NLRP13: variants seen among roughly 807,000 people sequenced by gnomAD.
NLRP13 encodes the protein NLR family pyrin domain containing 13.
Under a neutral mutation model 94.4 loss-of-function variants are expected in NLRP13, and 82 were observed. The ratio of observed to expected loss-of-function variants is 0.87; its 90% CI spans 0.73 to 1.04. The LOEUF is 1.04. Ranked by LOEUF, NLRP13 falls within the 50% of genes least tolerant of loss-of-function variation. The probability of loss-of-function intolerance (pLI) is 0.00; values close to 1 mark genes in which losing one functional copy is unlikely to be tolerated. For missense variants in NLRP13, 1,426 were observed against 1,230.8 expected (o/e 1.16, Z -2.37); for synonymous variants, 553 against 464.7 (o/e 1.19, Z -2.45).
At chr19:55,911,569 G>T (rs537790857) in intron 5 of NLRP13, 137 bp downstream of exon 5, 1 of 779,470 alleles carries the variant, frequency 1.3e-6, no homozygotes, top group African/African-American at 1.8e-5. Flanking sequence ...TTTCAAGTTA[G>T]AGCTGCTCCA....
chr19:55,902,461 GA>G (rs200104561), intron 8 of NLRP13, among the ~76,000 whole-genome samples: 18 of 149,744 alleles, frequency 1.2e-4, no homozygotes, highest in East Asian at 2.0e-4. Context: ...AAAAAATAAA[GA>G]AAAAAAAAAC....
At chr19:55,892,134 A>T, downstream of NLRP13, 1 of 1,231,834 alleles carries the variant, frequency 8.1e-7, no homozygotes, top group Non-Finnish European at 1.0e-6. Flanking sequence ...GCAAAATAAG[A>T]AGTACTGAAG....
chr19:55,912,484 G>A lies in NLRP13; in HGVS notation c.1333C>T (p.Leu445Phe), dbSNP rs1986548699. ...LKQPKVRYYD[L>F]QSITQTTTSL... is the part of the protein sequence containing the mutation. ...GTGGTAGTCTGAGTGATTGACTGGA[G>A]ATCGTAATACCTCACCTTCGGCTGC... The change falls in exon 5 of 11, where the codon CTC becomes TTC. Residue 445 changes from leucine (L) to phenylalanine (F), a missense_variant. By Grantham distance (22) the Leu-to-Phe change is conservative. Transcript: ENST00000342929. 1 of 1,614,028 alleles carries A rather than the reference G, an allele frequency of 6.2e-7. No individual in the cohort carries two copies.
Position 55,900,775 on chromosome 19 carries a change from T to TAAAAAAA in NLRP13, c.2789+1253_2789+1259dup, listed in dbSNP as rs3073241. ...TGAGTGACAGAACAAGACTCCATCT[T>TAAAAAAA]AAAAAAAAAAAAAAAATCTAGAACC... On this transcript the variant is annotated intron_variant, in intron 9 of 10. Transcript: ENST00000342929. Among the ~76,000 whole-genome samples, 243 of 134,186 alleles carry TAAAAAAA rather than the reference T, an allele frequency of 1.8e-3. 3 individuals carry two copies. Among genetic ancestry groups the TAAAAAAA allele is most frequent in the African/African-American group, 6.6e-3 (233 of 35,500 alleles). The allele number at this position is 134,186 out of a possible 152,430, so 88.0% of individuals were successfully genotyped here. A position where few individuals can be genotyped will look rare whatever the true frequency, so the allele number is the denominator to read the frequency against.
Position 55,910,674 on chromosome 19 carries a change from G to C in NLRP13, c.2171C>G (p.Thr724Arg), listed in dbSNP as rs777149027. Residue 724 changes from threonine to arginine, a missense_variant, in exon 6 of 11, where the codon ACA (threonine) becomes AGA (arginine). Transcript: ENST00000342929. ...AWNSICSTLV[T>R]NENLHELDLS... ...GTCTAGCTCATGCAGATTCTCATTTGTGACCAACGTAGAGCAAATGCTGTT... is the reference window on the plus strand; with the variant it reads ...GTCTAGCTCATGCAGATTCTCATTTCTGACCAACGTAGAGCAAATGCTGTT... The C allele has an allele frequency of 5.6e-6, 9 of 1,613,932 alleles. No homozygotes were observed. Among genetic ancestry groups the C allele is most frequent in the Non-Finnish European group, 6.8e-6 (8 of 1,179,812 alleles).
At chr19:55,922,005 A>T (rs1986840599) in intron 4 of NLRP13, among the ~76,000 whole-genome samples, 1 of 152,224 alleles carries the variant, frequency 6.6e-6, no homozygotes, top group Non-Finnish European at 1.5e-5. Flanking sequence ...TCACAGTTCC[A>T]CATGGCTGGG....
In NLRP13 at chr19:55,913,127, C is replaced by T. The variant is rs574504902; in HGVS notation, c.690G>A (p.Thr230=). The T allele has an allele frequency of 4.3e-6, 7 of 1,614,030 alleles. No homozygotes were observed. The highest frequency in any genetic ancestry group is 1.3e-5 in the African/African-American group (1 of 74,916). ...DPNRTRAQAQ[T]IVLVGRAGVG... is the part of the protein sequence containing the mutation. Reference sequence around the variant, plus strand: ...CCCCTGCCCTCCCCACCAAGACTATCGTCTGGGCCTGGGCTCTAGTCCTAT... The same window carrying T: ...CCCCTGCCCTCCCCACCAAGACTATTGTCTGGGCCTGGGCTCTAGTCCTAT... Residue 230 remains threonine (T), a synonymous_variant, in exon 5 of 11, where the codon ACG becomes ACA. Transcript: ENST00000342929.
Position 55,912,875 on chromosome 19 carries a change from C to T in NLRP13, c.942G>A (p.Glu314=), listed in dbSNP as rs1986565258. 6.2e-7 allele frequency: 1 copy of T among 1,614,048 alleles called. No individual in the cohort carries two copies. Among genetic ancestry groups the T allele is most frequent in the African/African-American group, 1.3e-5 (1 of 74,912 alleles). The stretch of plus-strand genomic sequence containing the variant: ...AGCGTGACTCAGATATGATTATTTC[C>T]TCAAAGCCATCAATAATAAACAGGA... ...EKLLFIIDGF[E]EIIISESRSE... The change falls in exon 5 of 11, where the codon GAG becomes GAA. Residue 314 remains glutamate (E), a synonymous_variant. Coordinates refer to ENST00000342929, the MANE Select transcript of NLRP13 (RefSeq NM_176810.2).
At chr19:55,894,708 G>A (rs1985952769), downstream of NLRP13, among the ~76,000 whole-genome samples, 2 of 152,302 alleles carry the variant, frequency 1.3e-5, no homozygotes, top group East Asian at 3.9e-4. Context: ...TCCTGGAGGA[G>A]AACTCAAGAC....
chr19:55,929,081 C>G (rs1360124116), intron 1 of NLRP13, among the ~76,000 whole-genome samples: 1 of 152,174 alleles, frequency 6.6e-6, no homozygotes, highest in Non-Finnish European at 1.5e-5. Flanking sequence ...CAATGAGATA[C>G]CATCTCACGC....
At position 55,912,358 on chromosome 19, in the gene NLRP13, C is replaced by T; in HGVS notation, c.1459G>A (p.Ala487Thr). 6.2e-7 allele frequency: 1 copy of T among 1,614,106 alleles called. No homozygotes were observed. Among genetic ancestry groups the T allele is most frequent in the Non-Finnish European group, 8.5e-7 (1 of 1,180,002 alleles). ...PGQWRALCSL[A>T]IEGLWSMNFT... ...TTCATAGACCACAGCCCTTCTATGG[C>T]CAGACTGCAGAGGGCCCTCCATTGT... The change falls in exon 5 of 11, where the codon GCC becomes ACC. Residue 487 changes from alanine (A) to threonine (T), a missense_variant. By Grantham distance (58) the Ala-to-Thr change is moderately conservative. Transcript: ENST00000342929.
Position 55,918,009 on chromosome 19 carries a change from G to C in NLRP13, c.524-4716C>G, listed in dbSNP as rs77613197. Among the ~76,000 whole-genome samples, 1,187 of 152,014 alleles carry C rather than the reference G, an allele frequency of 7.8e-3. 15 individuals are homozygous for C. Among genetic ancestry groups the C allele is most frequent in the African/African-American group, 0.026 (1,058 of 41,480 alleles). On this transcript the variant is annotated intron_variant, in intron 4 of 10. Coordinates refer to ENST00000342929, the MANE Select transcript of NLRP13 (RefSeq NM_176810.2). ...TTCCTTGAAATAGACCGTATGTTAG[G>C]CTACAAAACAAGGCTCAATAAATTT...
At chr19:55,901,534 T>C (rs1448609476) in intron 9 of NLRP13, among the ~76,000 whole-genome samples, 1 of 152,136 alleles carries the variant, frequency 6.6e-6, no homozygotes, top group African/African-American at 2.4e-5. Context: ...GCTGTTAGCA[T>C]GCCTGGGCAC....
At chr19:55,930,783 T>C (rs1987095083) in intron 1 of NLRP13, among the ~76,000 whole-genome samples, 1 of 149,756 alleles carries the variant, frequency 6.7e-6, no homozygotes, top group Non-Finnish European at 1.5e-5. Flanking sequence ...GTCAGTTCTT[T>C]TATAAAGTGA....
At chr19:55,930,360 C>A (rs1056000313) in intron 1 of NLRP13, among the ~76,000 whole-genome samples, 6 of 152,124 alleles carry the variant, frequency 3.9e-5, no homozygotes, top group Non-Finnish European at 7.4e-5. Flanking sequence ...AGTGAAGAGT[C>A]AGTACAAATG....
downstream of NLRP13, among the ~76,000 whole-genome samples, chr19:55,893,733 A>G (rs1160365438): frequency 1.3e-5 from 2 of 152,210 alleles, no homozygotes; most frequent in Non-Finnish European, 2.9e-5. Context: ...ATTAATCTGC[A>G]TCTAGCAATT....
chr19:55,897,509 A>C (rs1280945232), intron 10 of NLRP13, among the ~76,000 whole-genome samples: 2 of 148,354 alleles, frequency 1.3e-5, no homozygotes, highest in Admixed American at 6.7e-5. Flanking sequence ...CCATCAAAAC[A>C]AACAAAAAAC....
At position 55,912,634 on chromosome 19, in the gene NLRP13, A is replaced by G; in HGVS notation, c.1183T>C (p.Phe395Leu). The change falls in exon 5 of 11, where the codon TTC becomes CTC. Residue 395 changes from phenylalanine (F) to leucine (L), a missense_variant. Coordinates refer to ENST00000342929, the MANE Select transcript of NLRP13 (RefSeq NM_176810.2). The stretch of plus-strand genomic sequence containing the variant: ...CTTGAGTCATCAAAGTGTCTCATGA[A>G]ATATACCCGTAGGTCGTCCCCTGTG... ...GFTGDDLRVYFMRHFDDSSEV... is the reference protein window; with the variant it reads ...GFTGDDLRVYLMRHFDDSSEV... 1 of 1,614,208 alleles carries G rather than the reference A, an allele frequency of 6.2e-7. No homozygotes were observed. The highest frequency in any genetic ancestry group is 2.2e-5 in the East Asian group (1 of 44,880).
chr19:55,895,894 C>A (rs1985993274), downstream of NLRP13: 1 of 1,565,646 alleles, frequency 6.4e-7, no homozygotes, highest in Non-Finnish European at 8.7e-7. Flanking sequence ...GAAGCCTAGT[C>A]AATCTAGCCT....
Sources: gnomAD v4.1 joint callset for allele counts (sites outside exome capture counted in the v4.1 genomes callset) on GRCh38, gnomAD v4.1.1 for gene constraint, MANE v1.5 for transcripts, NCBI Gene and HGNC (gene_info 2026-07-23, HGNC 2026-07-21) for gene names.